Variants in TMEM132D observed in about 807,000 individuals in gnomAD.
The protein encoded by TMEM132D is transmembrane protein 132D.
TMEM132D carries 21 observed loss-of-function variants against 62.3 expected under a neutral mutation model. That is an observed-to-expected ratio of 0.34 (90% CI 0.24 to 0.49). TMEM132D has a LOEUF of 0.49. Ranked by LOEUF, TMEM132D falls within the 20% of genes least tolerant of loss-of-function variation. TMEM132D has a pLI of 0.99. For synonymous variants in TMEM132D, 621 were observed against 575.6 expected (o/e 1.08, Z -1.13); for missense variants, 1,346 against 1,402.8 (o/e 0.96, Z 0.65).
chr12:129,436,579 G>C (rs1872793061), intron 3 of TMEM132D, among the ~76,000 whole-genome samples: 1 of 152,208 alleles, frequency 6.6e-6, no homozygotes, highest in South Asian at 2.1e-4. Flanking sequence ...CATCAAGAGG[G>C]GACTTCTGAG....
At chr12:129,862,311 AAC>A (rs762081907) in intron 1 of TMEM132D, among the ~76,000 whole-genome samples, 2 of 152,228 alleles carry the variant, frequency 1.3e-5, no homozygotes, top group African/African-American at 2.4e-5. Flanking sequence ...GGAAACCTCA[AAC>A]TTCGGGAAAT....
intron 4 of TMEM132D, among the ~76,000 whole-genome samples, chr12:129,274,366 C>G (rs773084943): frequency 6.6e-6 from 1 of 152,178 alleles, no homozygotes; most frequent in Non-Finnish European, 1.5e-5. Flanking sequence ...GTGCATTAAA[C>G]TAGCATTGAG....
At chr12:129,446,099 G>A (rs1029676642) in intron 3 of TMEM132D, among the ~76,000 whole-genome samples, 12 of 152,098 alleles carry the variant, frequency 7.9e-5, no homozygotes, top group African/African-American at 1.4e-4. Flanking sequence ...TGCAAAAGAC[G>A]GGCTCAGGTG....
chr12:129,835,169 G>A (rs550375581), intron 1 of TMEM132D, among the ~76,000 whole-genome samples: 1 of 152,290 alleles, frequency 6.6e-6, no homozygotes, highest in African/African-American at 2.4e-5. Flanking sequence ...AGTGCAAGGA[G>A]ATGCAAGAAA....
At chr12:129,538,350 AC>A (rs1876465442) in intron 2 of TMEM132D, among the ~76,000 whole-genome samples, 1 of 152,208 alleles carries the variant, frequency 6.6e-6, no homozygotes. Context: ...TGGCCATGCA[AC>A]TTGTGACTGG....
intron 4 of TMEM132D, among the ~76,000 whole-genome samples, chr12:129,319,002 A>C (rs1868582774): frequency 6.6e-6 from 1 of 152,058 alleles, no homozygotes; most frequent in Non-Finnish European, 1.5e-5. Context: ...CTCCAGGCGG[A>C]GGGTGAGATG....
chr12:129,645,005 A>T (rs1053693290), intron 2 of TMEM132D, among the ~76,000 whole-genome samples: 8 of 151,418 alleles, frequency 5.3e-5, no homozygotes, highest in Non-Finnish European at 1.5e-5. Context: ...AAAAAAAAAA[A>T]AAAAATTAAC....
chr12:129,247,434 T>C (rs1020571622), intron 4 of TMEM132D, among the ~76,000 whole-genome samples: 6 of 152,170 alleles, frequency 3.9e-5, no homozygotes, highest in African/African-American at 1.4e-4. Flanking sequence ...CCGTGGGAAA[T>C]GGTATTGAAA....
intron 5 of TMEM132D, among the ~76,000 whole-genome samples, chr12:129,107,234 C>T (rs1875529899): frequency 6.6e-6 from 1 of 152,152 alleles, no homozygotes; most frequent in South Asian, 2.1e-4. Flanking sequence ...GGTTCTCAGT[C>T]CTATCAGATA....
intron 2 of TMEM132D, among the ~76,000 whole-genome samples, chr12:129,663,841 G>A (rs537287583): frequency 6.6e-6 from 1 of 152,220 alleles, no homozygotes; most frequent in East Asian, 1.9e-4. Flanking sequence ...GAGATCCTTG[G>A]AGAAAAACCT....
chr12:129,630,995 C>T (rs565949945), intron 2 of TMEM132D, among the ~76,000 whole-genome samples: 3 of 152,054 alleles, frequency 2.0e-5, no homozygotes, highest in Non-Finnish European at 4.4e-5. Context: ...TGGAATCAAT[C>T]GGAATGCCCA....
chr12:129,190,924 G>C (rs1878379563), intron 5 of TMEM132D, among the ~76,000 whole-genome samples: 1 of 152,100 alleles, frequency 6.6e-6, no homozygotes, highest in African/African-American at 2.4e-5. Flanking sequence ...CAGACCTCAG[G>C]ACAGGCTCCG....
chr12:129,703,736 G>A (rs11060503), intron 1 of TMEM132D, among the ~76,000 whole-genome samples: 36,309 of 152,054 alleles, frequency 0.24, 5,379 homozygotes, highest in Middle Eastern at 0.34. Flanking sequence ...AGAGTGACAT[G>A]TTCGCATCTT....
chr12:129,351,673 T>C (rs776395007), intron 3 of TMEM132D, among the ~76,000 whole-genome samples: 1 of 152,246 alleles, frequency 6.6e-6, no homozygotes, highest in Non-Finnish European at 1.5e-5. Flanking sequence ...GCCCAGTTCT[T>C]GGAATGCCTT....
intron 2 of TMEM132D, among the ~76,000 whole-genome samples, chr12:129,545,280 G>A (rs1025314060): frequency 6.6e-6 from 1 of 152,146 alleles, no homozygotes; most frequent in African/African-American, 2.4e-5. Context: ...TGGCATTGGG[G>A]CCCTGGATTC....
chr12:129,751,167 G>T (rs1039797576), intron 1 of TMEM132D, among the ~76,000 whole-genome samples: 1 of 152,178 alleles, frequency 6.6e-6, no homozygotes, highest in African/African-American at 2.4e-5. Flanking sequence ...ACAGAGAAAA[G>T]AGGTTTAATT....
chr12:129,872,652 G>A (rs1874286506), intron 1 of TMEM132D, among the ~76,000 whole-genome samples: 1 of 152,194 alleles, frequency 6.6e-6, no homozygotes, highest in Non-Finnish European at 1.5e-5. Context: ...AACTAATGTG[G>A]TTAAATCTTT....
At chr12:129,474,079 AC>A (rs1358035444) in intron 3 of TMEM132D, among the ~76,000 whole-genome samples, 3 of 152,104 alleles carry the variant, frequency 2.0e-5, no homozygotes, top group African/African-American at 4.8e-5. Flanking sequence ...CCTTTCTGTA[AC>A]CCTTCGCCTC....
chr12:129,226,762 TG>T (rs1566003759), intron 4 of TMEM132D, among the ~76,000 whole-genome samples: 1 of 152,160 alleles, frequency 6.6e-6, no homozygotes, highest in Non-Finnish European at 1.5e-5. Context: ...CAGGGTGCAC[TG>T]GCCTAAGGGC....
Sources: allele counts gnomAD v4.1 joint callset (sites outside exome capture counted in the v4.1 genomes callset), GRCh38; gene constraint gnomAD v4.1.1; transcripts MANE v1.5; gene names NCBI Gene and HGNC (gene_info 2026-07-23, HGNC 2026-07-21).